The following PDE10A variants were observed in gnomAD, a reference collection of about 807,000 sequenced individuals.
PDE10A encodes the protein cAMP and cAMP-inhibited cGMP 3',5'-cyclic phosphodiesterase 10A.
A neutral mutation model predicts 97.7 loss-of-function variants in PDE10A; 39 were observed. That is an observed-to-expected ratio of 0.40 (90% CI 0.31 to 0.52). The LOEUF is 0.52. Among genes scored for constraint, PDE10A ranks in the 20% least tolerant of loss-of-function variants. The probability of loss-of-function intolerance (pLI) is 0.56; values close to 1 mark genes in which losing one functional copy is unlikely to be tolerated. For missense variants in PDE10A, 731 were observed against 1,047.8 expected, an observed-to-expected ratio of 0.70 and a Z score of 4.17; for synonymous variants, 371 against 376.8, an observed-to-expected ratio of 0.98 and a Z score of 0.18.
chr6:165,632,291 C>T (rs763363013), intron 1 of PDE10A, among the ~76,000 whole-genome samples: 2 of 151,158 alleles, frequency 1.3e-5, no homozygotes, highest in Admixed American at 1.3e-4. Context: ...CCACAGAAGC[C>T]GTCTTGGTCT....
chr6:165,709,531 G>C (rs555585045), intron 1 of PDE10A, among the ~76,000 whole-genome samples: 61 of 56,284 alleles, frequency 1.1e-3, no homozygotes, highest in African/African-American at 4.6e-3. Context: ...ATGCTGCTTC[G>C]CTCTCCCTCC....
chr6:165,525,025 T>C (rs1183660409), intron 2 of PDE10A, among the ~76,000 whole-genome samples: 1 of 152,056 alleles, frequency 6.6e-6, no homozygotes, highest in East Asian at 1.9e-4. Flanking sequence ...GAGGCAACAG[T>C]GATGGCCTCC....
At chr6:165,754,740 C>G (rs1793080020) in intron 1 of PDE10A, among the ~76,000 whole-genome samples, 1 of 152,110 alleles carries the variant, frequency 6.6e-6, no homozygotes, top group African/African-American at 2.4e-5. Context: ...CTTCAGTCCT[C>G]TCATCTATAA....
At chr6:165,614,069 G>A (rs577296660) in intron 1 of PDE10A, among the ~76,000 whole-genome samples, 26 of 152,208 alleles carry the variant, frequency 1.7e-4, no homozygotes, top group South Asian at 4.2e-4. Flanking sequence ...CTAATTATGC[G>A]GCTCAGACAT....
intron 13 of PDE10A, among the ~76,000 whole-genome samples, chr6:165,410,455 G>T (rs1309466869): frequency 6.7e-6 from 1 of 150,056 alleles, no homozygotes; most frequent in Non-Finnish European, 1.5e-5. Context: ...ATTTCTCACT[G>T]TAACAAAAAA....
chr6:165,629,847 T>C (rs1300208582), intron 1 of PDE10A, among the ~76,000 whole-genome samples: 4 of 151,814 alleles, frequency 2.6e-5, no homozygotes, highest in Non-Finnish European at 5.9e-5. Context: ...AAAACTACTT[T>C]CAATTAGCCT....
chr6:165,518,425 C>T (rs191440957), intron 2 of PDE10A, among the ~76,000 whole-genome samples: 1 of 152,304 alleles, frequency 6.6e-6, no homozygotes, highest in East Asian at 1.9e-4. Context: ...CTGGCCAGCT[C>T]CATTCTGCCC....
intron 1 of PDE10A, among the ~76,000 whole-genome samples, chr6:165,752,892 C>T (rs191868598): frequency 7.9e-5 from 12 of 152,322 alleles, no homozygotes; most frequent in African/African-American, 2.9e-4. Context: ...TGCTGCTCGA[C>T]GTATGAATTA....
intron 2 of PDE10A, among the ~76,000 whole-genome samples, chr6:165,541,267 C>G (rs1324441100): frequency 1.3e-5 from 2 of 152,014 alleles, no homozygotes; most frequent in African/African-American, 4.8e-5. Flanking sequence ...CCGCTTTCCA[C>G]TGTCCCTAGC....
chr6:165,397,127 T>C (rs2128218618), intron 13 of PDE10A, among the ~76,000 whole-genome samples: 1 of 152,338 alleles, frequency 6.6e-6, no homozygotes, highest in South Asian at 2.1e-4. Context: ...TGCCATCCTG[T>C]TAAGTTGAAA....
intron 1 of PDE10A, among the ~76,000 whole-genome samples, chr6:165,845,916 T>C (rs544882413): frequency 6.6e-6 from 1 of 151,978 alleles, no homozygotes; most frequent in Non-Finnish European, 1.5e-5. Flanking sequence ...GTCTCCATGA[T>C]AAAAAAACAA....
At chr6:165,517,777 A>T (rs1054110108) in intron 2 of PDE10A, among the ~76,000 whole-genome samples, 2 of 152,224 alleles carry the variant, frequency 1.3e-5, no homozygotes, top group Non-Finnish European at 2.9e-5. Context: ...CTTCATGCTG[A>T]GGTCAGTGGT....
chr6:165,520,476 T>C (rs1168961594), intron 2 of PDE10A, among the ~76,000 whole-genome samples: 3 of 151,512 alleles, frequency 2.0e-5, no homozygotes, highest in Admixed American at 2.0e-4. Context: ...CCAAGGGGAG[T>C]ATGATGAAGG....
chr6:165,783,828 C>T (rs559864943), intron 1 of PDE10A, among the ~76,000 whole-genome samples: 7 of 152,302 alleles, frequency 4.6e-5, no homozygotes, highest in South Asian at 2.1e-4. Flanking sequence ...TGACTTGCCA[C>T]GTTCCTAGTG....
intron 1 of PDE10A, among the ~76,000 whole-genome samples, chr6:165,656,347 C>T (rs547709206): frequency 1.3e-5 from 2 of 151,318 alleles, no homozygotes; most frequent in South Asian, 4.2e-4. Context: ...CTTATCCAAC[C>T]AGCCACCTGG....
rs1221985830 is a variant in PDE10A, at chr6:165,330,185, C to T, written c.*2840G>A. On this transcript the variant is annotated 3_prime_UTR_variant, in exon 22 of 22. Transcript: ENST00000539869. ...AAGTATCTGCAAATTGAATATCCTA[C>T]ATATGCTCATAGCGGGTTACTAAAT... 1.3e-5 allele frequency: 2 copies of T among 152,150 alleles called. No homozygotes were observed. The highest frequency in any genetic ancestry group is 1.9e-4 in the East Asian group (1 of 5,198). 9.4% of individuals were successfully genotyped at this position (152,150 alleles called of 1,614,324 possible).
chr6:165,859,681 TC>T (rs1780845561), intron 1 of PDE10A, among the ~76,000 whole-genome samples: 1 of 152,200 alleles, frequency 6.6e-6, no homozygotes, highest in African/African-American at 2.4e-5. Context: ...AAATGTTTTT[TC>T]TCCAAGTTTT....
chr6:165,887,690 C>T (rs1044099273), intron 1 of PDE10A, among the ~76,000 whole-genome samples: 6 of 152,212 alleles, frequency 3.9e-5, no homozygotes, highest in Non-Finnish European at 8.8e-5. Context: ...CATGTTGGTT[C>T]TACCTTCAAG....
intron 1 of PDE10A, among the ~76,000 whole-genome samples, chr6:165,575,050 C>A (rs1012936621): frequency 3.3e-5 from 5 of 152,156 alleles, no homozygotes; most frequent in Middle Eastern, 6.3e-3. Context: ...TTGCCCTCAA[C>A]TGTACACTGT....
Sources: gnomAD v4.1 joint callset for allele counts (sites outside exome capture counted in the v4.1 genomes callset) on GRCh38, gnomAD v4.1.1 for gene constraint, MANE v1.5 for transcripts, NCBI Gene and HGNC (gene_info 2026-07-23, HGNC 2026-07-21) for gene names.